The following HOATZ variants were observed in gnomAD, a reference collection of about 807,000 sequenced individuals.
The protein encoded by HOATZ is HOATZ cilia and flagella associated protein.
A neutral mutation model predicts 24.9 loss-of-function variants in HOATZ; 26 were observed. The ratio of observed to expected loss-of-function variants is 1.04; its 90% CI spans 0.76 to 1.45. HOATZ has a LOEUF of 1.45. HOATZ is among the 40% of genes most tolerant of loss of function. The pLI is 0.00. For missense variants in HOATZ, 226 were observed against 201.5 expected, an observed-to-expected ratio of 1.12 and a Z score of -0.74; for synonymous variants, 83 against 76.6, an observed-to-expected ratio of 1.08 and a Z score of -0.43.
intron 3 of HOATZ, among the ~76,000 whole-genome samples, chr11:111,520,820 T>C (rs956629089): frequency 6.6e-6 from 1 of 152,226 alleles, no homozygotes; most frequent in African/African-American, 2.4e-5. Flanking sequence ...TACATGCCTG[T>C]TAGTGACTTA....
chr11:111,522,374 T>C (rs905649092), intron 3 of HOATZ, among the ~76,000 whole-genome samples: 2 of 152,222 alleles, frequency 1.3e-5, no homozygotes, highest in South Asian at 2.1e-4. Flanking sequence ...TCAAATCGGG[T>C]TTATTGAAGA....
intron 3 of HOATZ, among the ~76,000 whole-genome samples, chr11:111,520,938 A>C (rs1422301700): frequency 6.6e-6 from 1 of 152,224 alleles, no homozygotes; most frequent in African/African-American, 2.4e-5. Flanking sequence ...TAATTTACAA[A>C]TTAAACTTTA....
chr11:111,531,819 T>A (rs1400679618), intron 3 of HOATZ, among the ~76,000 whole-genome samples: 2 of 152,192 alleles, frequency 1.3e-5, no homozygotes, highest in South Asian at 4.1e-4. Context: ...GCCAAGACAC[T>A]GATTACAGCT....
In HOATZ at chr11:111,516,089, GA is replaced by G; in HGVS notation, c.321del (p.Val108Ter). The G allele has an allele frequency of 6.3e-7, 1 of 1,597,552 alleles. No homozygotes were observed. The highest frequency in any genetic ancestry group is 1.1e-5 in the South Asian group (1 of 87,632). Reference protein sequence around the residue: ...EALKIQESEEKVKYLQKAKTR... With the variant: ...EALKIQESEEXVKYLQKAKTR... ...CCCTAAAGATACAGGAATCTGAGGA[GA>G]AAGTAAAGTATCTCCAAAAGGTAGG... On this transcript the variant is annotated frameshift_variant, in exon 3 of 6. Transcript: ENST00000375618. LOFTEE classifies it high-confidence loss of function.
intron 3 of HOATZ, 151 bp downstream of exon 3, chr11:111,516,261 T>A: frequency 1.8e-6 from 1 of 553,626 alleles, no homozygotes; most frequent in Non-Finnish European, 3.2e-6. Context: ...TAATTGAAAA[T>A]TTAAAAATTC....
chr11:111,526,212 G>A (rs902754382), intron 3 of HOATZ, among the ~76,000 whole-genome samples: 1 of 152,188 alleles, frequency 6.6e-6, no homozygotes, highest in Admixed American at 6.5e-5. Flanking sequence ...TGGGAGGAAG[G>A]TTAGGCTCCA....
chr11:111,520,529 T>TAA (rs989260023), intron 3 of HOATZ, among the ~76,000 whole-genome samples: 20 of 152,190 alleles, frequency 1.3e-4, no homozygotes, highest in African/African-American at 3.6e-4. Context: ...GTCCATAGTA[T>TAA]AAGTCTTCCT....
At chr11:111,526,337 A>G (rs1216016978) in intron 3 of HOATZ, among the ~76,000 whole-genome samples, 2 of 152,252 alleles carry the variant, frequency 1.3e-5, no homozygotes, top group Non-Finnish European at 2.9e-5. Context: ...TGGCCAGAGC[A>G]GAAGTGGAAA....
chr11:111,514,972 G>C lies in HOATZ; in HGVS notation c.188G>C (p.Arg63Pro). ...GTGCTGCGCAGAGACAGCAGTCAGC[G>C]TCTGCCGGTGGCGCGGCCCAGGAGG... ...QLVLRRDSSQ[R>P]LPVARPRRSR... The change falls in exon 1 of 6, where the codon CGT becomes CCT. Residue 63 changes from arginine (R) to proline (P), a missense_variant. Transcript: ENST00000375618. The C allele has an allele frequency of 6.2e-7, 1 of 1,613,590 alleles. No homozygotes were observed. Among genetic ancestry groups the C allele is most frequent in the Non-Finnish European group, 8.5e-7 (1 of 1,180,014 alleles).
intron 1 of HOATZ, 77 bp from the exon 2 acceptor site, chr11:111,515,434 T>C: frequency 2.6e-6 from 3 of 1,147,294 alleles, no homozygotes; most frequent in Non-Finnish European, 4.0e-6. Context: ...GCAATTGTTA[T>C]AGTATAAAAA....
intron 3 of HOATZ, among the ~76,000 whole-genome samples, chr11:111,522,014 T>A (rs1867274457): frequency 6.6e-6 from 1 of 152,022 alleles, no homozygotes; most frequent in South Asian, 2.1e-4. Context: ...AAAAAAAAAA[T>A]GCTGAATTCA....
intron 3 of HOATZ, chr11:111,519,134 A>G (rs1375495529): frequency 2.7e-5 from 11 of 404,530 alleles, no homozygotes; most frequent in Non-Finnish European, 5.4e-5. Context: ...CAGCTTCCTC[A>G]TATATAAAAA....
At chr11:111,522,482 G>A (rs1380391146) in intron 3 of HOATZ, among the ~76,000 whole-genome samples, 9 of 152,172 alleles carry the variant, frequency 5.9e-5, no homozygotes, top group African/African-American at 1.4e-4. Flanking sequence ...TCTATCTAAC[G>A]CAAGATGAAA....
At chr11:111,534,873 A>C (rs1867433734) in intron 5 of HOATZ, 1 of 170,320 alleles carries the variant, frequency 5.9e-6, no homozygotes, top group South Asian at 1.7e-4. Flanking sequence ...GGTTGCTAAA[A>C]CTAAGTTCAT....
At chr11:111,530,168 C>T (rs1439943677) in intron 3 of HOATZ, among the ~76,000 whole-genome samples, 3 of 152,196 alleles carry the variant, frequency 2.0e-5, no homozygotes, top group Admixed American at 2.0e-4. Flanking sequence ...TTCACAACAA[C>T]CTTCCTCACA....
chr11:111,528,671 G>A (rs1379467252), intron 3 of HOATZ, among the ~76,000 whole-genome samples: 1 of 152,216 alleles, frequency 6.6e-6, no homozygotes, highest in Non-Finnish European at 1.5e-5. Context: ...TCCACCTGCT[G>A]TATTCTGATA....
chr11:111,533,083 G>T (rs1867410812), intron 3 of HOATZ, among the ~76,000 whole-genome samples: 1 of 152,178 alleles, frequency 6.6e-6, no homozygotes, highest in Non-Finnish European at 1.5e-5. Flanking sequence ...AGAATGTGCA[G>T]GTCTCAATAT....
Position 111,537,014 on chromosome 11 carries a change from TA to T in HOATZ, c.*190del. 2 of 554,716 alleles carry T rather than the reference TA, an allele frequency of 3.6e-6. No homozygotes were observed. Among genetic ancestry groups the T allele is most frequent in the Non-Finnish European group, 6.5e-6 (2 of 310,020 alleles). 34.4% of individuals were successfully genotyped at this position (554,716 alleles called of 1,614,324 possible). A position where few individuals can be genotyped will look rare whatever the true frequency, so the allele number is the denominator to read the frequency against. ...TGTGTTAAAATAAAGAAATAAAGGT[TA>T]AATATGCAGGCTTCTATGAATTCTA... is the stretch of plus-strand genomic sequence containing the variant. On this transcript the variant is annotated 3_prime_UTR_variant, in exon 6 of 6. Transcript: ENST00000375618.
chr11:111,523,205 CTTT>C (rs747393521), intron 3 of HOATZ, among the ~76,000 whole-genome samples: 3,483 of 94,258 alleles, frequency 0.037, 115 homozygotes, highest in African/African-American at 0.13. Context: ...TAAGTGTTCA[CTTT>C]TTTTTTTTTT....
Sources: gnomAD v4.1 joint callset for allele counts (sites outside exome capture counted in the v4.1 genomes callset) on GRCh38, gnomAD v4.1.1 for gene constraint, MANE v1.5 for transcripts, NCBI Gene and HGNC (gene_info 2026-07-23, HGNC 2026-07-21) for gene names.